The following OSBP2 variants were observed in gnomAD, a reference collection of about 807,000 sequenced individuals.
The protein encoded by OSBP2 is oxysterol-binding protein 2.
In OSBP2, 66 loss-of-function variants were observed where a neutral mutation model predicts 96.0. The observed-to-expected ratio is 0.69, with a 90% CI of 0.56 to 0.84. The LOEUF (loss-of-function observed/expected upper bound fraction) is 0.84, where lower values mean the gene tolerates loss of function less well. Among genes scored for constraint, OSBP2 ranks in the 40% least tolerant of loss-of-function variants. The pLI is 0.00. For synonymous variants in OSBP2, 525 were observed against 520.9 expected, an observed-to-expected ratio of 1.01 and a Z score of -0.11; for missense variants, 1,038 against 1,222.7, an observed-to-expected ratio of 0.85 and a Z score of 2.25.
chr22:30,812,904 G>A (rs1222393616), intron 2 of OSBP2, among the ~76,000 whole-genome samples: 2 of 151,980 alleles, frequency 1.3e-5, no homozygotes, highest in African/African-American at 4.8e-5. Context: ...TGTGTATTTT[G>A]TGACTTGTAT....
intron 2 of OSBP2, among the ~76,000 whole-genome samples, chr22:30,788,431 T>G (rs1010096142): frequency 6.6e-6 from 1 of 152,114 alleles, no homozygotes; most frequent in Non-Finnish European, 1.5e-5. Context: ...GAGCTTTCAC[T>G]CAGAGCCCTC....
At chr22:30,858,879 CAATAATAAT>C (rs137975802) in intron 2 of OSBP2, among the ~76,000 whole-genome samples, 130 of 141,312 alleles carry the variant, frequency 9.2e-4, no homozygotes, top group African/African-American at 2.2e-3. Flanking sequence ...GACTCTGTCT[CAATAATAAT>C]AATAATAATA....
At chr22:30,815,857 G>A (rs551749194) in intron 2 of OSBP2, among the ~76,000 whole-genome samples, 4 of 151,850 alleles carry the variant, frequency 2.6e-5, no homozygotes, top group East Asian at 1.9e-4. Context: ...TATAGCTGTC[G>A]AGCATTTGAG....
At chr22:30,876,526 C>G (rs751250498) in intron 3 of OSBP2, among the ~76,000 whole-genome samples, 1 of 152,244 alleles carries the variant, frequency 6.6e-6, no homozygotes, top group African/African-American at 2.4e-5. Flanking sequence ...GGGGTTCACA[C>G]GATTCCTGAG....
chr22:30,728,698 TG>T (rs1239562918), intron 1 of OSBP2, among the ~76,000 whole-genome samples: 1 of 152,156 alleles, frequency 6.6e-6, no homozygotes, highest in Non-Finnish European at 1.5e-5. Flanking sequence ...GGTTTTGCTT[TG>T]TTACCCAGGC....
intron 2 of OSBP2, among the ~76,000 whole-genome samples, chr22:30,783,053 GGGAACCTGTGGC>G (rs2090540385): frequency 6.8e-6 from 1 of 146,698 alleles, no homozygotes. Context: ...TCAAAGAGTA[GGGAACCTGTGGC>G]TTTTTTTTTT....
chr22:30,891,795 AGCAG>A, intron 8 of OSBP2, among the ~76,000 whole-genome samples: 1 of 152,304 alleles, frequency 6.6e-6, no homozygotes, highest in South Asian at 2.1e-4. Context: ...TTCTCCACTT[AGCAG>A]ACATTAGGTG....
chr22:30,725,207 A>AC (rs1555908242), intron 1 of OSBP2, among the ~76,000 whole-genome samples: 5 of 148,852 alleles, frequency 3.4e-5, no homozygotes, highest in African/African-American at 9.9e-5. Flanking sequence ...CAAAAAAAAA[A>AC]CAAAAACAAA....
chr22:30,822,903 C>T (rs1015032178), intron 2 of OSBP2, among the ~76,000 whole-genome samples: 1 of 152,204 alleles, frequency 6.6e-6, no homozygotes, highest in East Asian at 1.9e-4. Flanking sequence ...TTGCTTCACG[C>T]GCGGGGCATT....
chr22:30,838,808 T>TTTG (rs145059026), intron 2 of OSBP2, among the ~76,000 whole-genome samples: 5 of 151,988 alleles, frequency 3.3e-5, no homozygotes, highest in African/African-American at 7.2e-5. Context: ...CTCAAGGTTT[T>TTTG]TTGTTGTTGT....
chr22:30,756,857 A>G (rs1372785336), intron 2 of OSBP2, among the ~76,000 whole-genome samples: 1 of 151,978 alleles, frequency 6.6e-6, no homozygotes, highest in Non-Finnish European at 1.5e-5. Flanking sequence ...TGCACCTTCT[A>G]CCTTCAGGCA....
intron 2 of OSBP2, among the ~76,000 whole-genome samples, chr22:30,811,027 A>G (rs1045551857): frequency 6.6e-6 from 1 of 152,232 alleles, no homozygotes; most frequent in Non-Finnish European, 1.5e-5. Flanking sequence ...TCTAAAATTT[A>G]TAACATAAAA....
chr22:30,741,010 A>T, intron 1 of OSBP2, 151 bp from the exon 2 acceptor site: 1 of 642,132 alleles, frequency 1.6e-6, no homozygotes, highest in Non-Finnish European at 2.7e-6. Context: ...ACGACCAGGC[A>T]GTTCCAATAG....
intron 2 of OSBP2, among the ~76,000 whole-genome samples, chr22:30,851,607 T>C (rs999720793): frequency 6.6e-6 from 1 of 152,292 alleles, no homozygotes; most frequent in East Asian, 1.9e-4. Flanking sequence ...TTGCACTGAC[T>C]GGAACTTCTA....
intron 2 of OSBP2, among the ~76,000 whole-genome samples, chr22:30,846,228 C>A (rs2038867792): frequency 6.6e-6 from 1 of 152,022 alleles, no homozygotes; most frequent in Admixed American, 6.6e-5. Context: ...CTCACTGCAA[C>A]CTCTGCCTCC....
rs982759748 is a variant in OSBP2, at chr22:30,732,655, C to T, written c.645-8506C>T. ...GTGAGGATGGGAAGCACACACCTTG[C>T]AAAGGGCAACCATGCGTGATGGTGA... On this transcript the variant is annotated intron_variant, in intron 1 of 13. Transcript: ENST00000332585. 2.0e-4 allele frequency among the ~76,000 whole-genome samples: 31 copies of T among 152,346 alleles called. No individual in the cohort carries two copies. The Middle Eastern group carries it at 0.01, about 50-fold the overall frequency.
intron 2 of OSBP2, among the ~76,000 whole-genome samples, chr22:30,856,399 T>C (rs1057114334): frequency 6.8e-6 from 1 of 147,682 alleles, no homozygotes; most frequent in African/African-American, 2.5e-5. Flanking sequence ...TTTTTTTTTT[T>C]TTTTGGAGAC....
intron 2 of OSBP2, among the ~76,000 whole-genome samples, chr22:30,818,779 T>C (rs1412888031): frequency 6.6e-6 from 1 of 152,168 alleles, no homozygotes; most frequent in Non-Finnish European, 1.5e-5. Flanking sequence ...AGGGAGGCTG[T>C]TGCAGGAGCA....
At chr22:30,737,012 A>G (rs113477352) in intron 1 of OSBP2, among the ~76,000 whole-genome samples, 4 of 152,176 alleles carry the variant, frequency 2.6e-5, no homozygotes, top group African/African-American at 9.6e-5. Context: ...TTCCACAGGA[A>G]CTTCTGGAAC....
Sources: gnomAD v4.1 joint callset for allele counts (sites outside exome capture counted in the v4.1 genomes callset) on GRCh38, gnomAD v4.1.1 for gene constraint, MANE v1.5 for transcripts, NCBI Gene and HGNC (gene_info 2026-07-23, HGNC 2026-07-21) for gene names.